Variants in TPPP observed in about 807,000 individuals in gnomAD.
TPPP encodes tubulin polymerization promoting protein.
TPPP carries 6 observed loss-of-function variants against 15.5 expected under a neutral mutation model. The ratio of observed to expected loss-of-function variants is 0.39; its 90% CI spans 0.21 to 0.77. TPPP has a LOEUF of 0.77. Among genes scored for constraint, TPPP ranks in the 30% least tolerant of loss-of-function variants. The probability of loss-of-function intolerance (pLI) is 0.42; values close to 1 mark genes in which losing one functional copy is unlikely to be tolerated. For missense variants in TPPP, 269 were observed against 307.2 expected (o/e 0.88, Z 0.93); for synonymous variants, 146 against 133.9 (o/e 1.09, Z -0.63).
chr5:675,286 T>C (rs1580087603), intron 2 of TPPP, among the ~76,000 whole-genome samples: 1 of 67,136 alleles, frequency 1.5e-5, no homozygotes. Context: ...GGGGGTTCAG[T>C]GTGGCCAGGG....
chr5:685,217 C>T (rs752606396), intron 1 of TPPP, among the ~76,000 whole-genome samples: 2 of 152,238 alleles, frequency 1.3e-5, no homozygotes, highest in African/African-American at 4.8e-5. Flanking sequence ...GTCTCCAGGC[C>T]TGGGCTGAGG....
At chr5:673,677 GCCAAGGCTGGCACACC>G (rs1580085130) in intron 2 of TPPP, among the ~76,000 whole-genome samples, 1 of 152,222 alleles carries the variant, frequency 6.6e-6, no homozygotes, top group Admixed American at 6.5e-5. Context: ...CTCATGGTCA[GCCAAGGCTGGCACACC>G]CCAAGGCTGG....
chr5:675,500 G>A (rs1740397802), intron 2 of TPPP, among the ~76,000 whole-genome samples: 1 of 144,966 alleles, frequency 6.9e-6, no homozygotes. Context: ...ATTGTGGCCG[G>A]GGCTGCAGTG....
chr5:696,817 GGTGTATGTATGTTGGTAT>G (rs1561098316), upstream of TPPP, among the ~76,000 whole-genome samples: 19 of 128,440 alleles, frequency 1.5e-4, no homozygotes, highest in African/African-American at 4.7e-4. Context: ...TATGCATGCC[GGTGTATGTATGTTGGTAT>G]GTGTTCAGCT....
intron 2 of TPPP, among the ~76,000 whole-genome samples, chr5:667,766 G>A (rs1295893388): frequency 6.6e-6 from 1 of 151,404 alleles, no homozygotes; most frequent in Non-Finnish European, 1.5e-5. Context: ...GAGAAGACAC[G>A]TGCATGCAGA....
intron 1 of TPPP, among the ~76,000 whole-genome samples, chr5:691,636 G>A (rs1487744619): frequency 3.5e-4 from 7 of 20,056 alleles, no homozygotes; most frequent in Non-Finnish European, 6.9e-4. Flanking sequence ...CATCAAAACA[G>A]CAGCCCCCAA....
chr5:695,723 G>A (rs1244132233), upstream of TPPP, among the ~76,000 whole-genome samples: 7 of 151,580 alleles, frequency 4.6e-5, no homozygotes, highest in Non-Finnish European at 8.9e-5. Context: ...TTGCTTATCG[G>A]GACACCTGTC....
rs188004824 is a variant in TPPP, at chr5:667,916, A to G, written c.312-1793T>C. 5.8e-3 allele frequency among the ~76,000 whole-genome samples: 240 copies of G among 41,146 alleles called. 13 individuals are homozygous for G. Among genetic ancestry groups the G allele is most frequent in the East Asian group, 0.026 (34 of 1,314 alleles). The allele number at this position is 41,146 out of a possible 152,430, so 27.0% of individuals were successfully genotyped here. On this transcript the variant is annotated intron_variant, in intron 2 of 3. Coordinates refer to ENST00000360578, the MANE Select transcript of TPPP (RefSeq NM_007030.3). ...GCCGTGTGGGCGCCGTCAGGGAAGT[A>G]CCGACAAGCACACAGAGAGGGGGCC...
chr5:670,575 T>C (rs1740184378), intron 2 of TPPP, among the ~76,000 whole-genome samples: 1 of 151,980 alleles, frequency 6.6e-6, no homozygotes, highest in Admixed American at 6.5e-5. Context: ...GAGGGGGAGC[T>C]TCTGGGGAGG....
chr5:698,386 T>C, the TPPP span, among the ~76,000 whole-genome samples: 1 of 152,040 alleles, frequency 6.6e-6, no homozygotes, highest in African/African-American at 2.4e-5. Context: ...TCCCTTTCTG[T>C]TGGTGAAATT....
chr5:692,181 G>GT (rs1740900194), intron 1 of TPPP, among the ~76,000 whole-genome samples: 1 of 40,364 alleles, frequency 2.5e-5, no homozygotes, highest in Non-Finnish European at 4.5e-5. Flanking sequence ...CAAAACAGCA[G>GT]CCCCCAACCC....
intron 1 of TPPP, among the ~76,000 whole-genome samples, chr5:678,921 G>A (rs982881212): frequency 1.3e-4 from 20 of 152,140 alleles, no homozygotes; most frequent in Non-Finnish European, 2.4e-4. Flanking sequence ...CATGGGCTTC[G>A]GTAAGACCCA....
intron 1 of TPPP, among the ~76,000 whole-genome samples, chr5:679,232 T>TC (rs1203531970): frequency 6.6e-6 from 1 of 151,362 alleles, no homozygotes; most frequent in Non-Finnish European, 1.5e-5. Context: ...TCCCACAAAT[T>TC]CCCCCAAAAC....
In TPPP at chr5:665,185, C is replaced by T. The variant is rs770675558; in HGVS notation, c.577G>A (p.Val193Met). Residue 193 changes from valine to methionine, a missense_variant, in exon 4 of 4, where the codon GTG (valine) becomes ATG (methionine). Transcript: ENST00000360578. ...SGKGKGKAGR[V>M]DLVDESGYVS... ...TAGCCTGACTCGTCCACCAGATCCACGCGGCCAGCCTTGCCCTTGCCCTTG... is the reference window on the plus strand; with the variant it reads ...TAGCCTGACTCGTCCACCAGATCCATGCGGCCAGCCTTGCCCTTGCCCTTG... 6.8e-6 allele frequency: 11 copies of T among 1,613,684 alleles called. No homozygotes were observed. Among genetic ancestry groups the T allele is most frequent in the Admixed American group, 1.7e-5 (1 of 60,000 alleles).
upstream of TPPP, chr5:693,408 C>A (rs1357194708): frequency 7.0e-6 from 1 of 142,556 alleles, no homozygotes; most frequent in East Asian, 2.0e-4. Flanking sequence ...CCCCGCCCAG[C>A]CCGGTCCCGG....
chr5:696,968 G>C (rs1741024674), upstream of TPPP, among the ~76,000 whole-genome samples: 1 of 94,946 alleles, frequency 1.1e-5, no homozygotes. Context: ...GCCTGTGTCT[G>C]TGTGTTTGCA....
At chr5:665,919 G>GGCCCCCCCCCC in intron 3 of TPPP, 51 bp downstream of exon 3, 2 of 344,042 alleles carry the variant, frequency 5.8e-6, no homozygotes, top group Non-Finnish European at 7.9e-6. Flanking sequence ...CACCTTCCAG[G>GGCCCCCCCCCC]CCCCGCCCCC....
intron 2 of TPPP, among the ~76,000 whole-genome samples, chr5:670,504 A>G (rs1392310280): frequency 6.6e-6 from 1 of 152,042 alleles, no homozygotes; most frequent in African/African-American, 2.4e-5. Context: ...GGGATCTTCC[A>G]TTAGCCCCTG....
At chr5:666,366 G>A (rs1437606679) in intron 2 of TPPP, among the ~76,000 whole-genome samples, 2 of 152,248 alleles carry the variant, frequency 1.3e-5, no homozygotes, top group South Asian at 2.1e-4. Flanking sequence ...GGGTGTGTGC[G>A]GGTCTGCACT....
Sources: allele counts gnomAD v4.1 joint callset (sites outside exome capture counted in the v4.1 genomes callset), GRCh38; gene constraint gnomAD v4.1.1; transcripts MANE v1.5; gene names NCBI Gene and HGNC (gene_info 2026-07-23, HGNC 2026-07-21).